Variants in AGBL1 observed in about 807,000 individuals in gnomAD.
The protein encoded by AGBL1 is cytosolic carboxypeptidase 4.
In AGBL1, 130 loss-of-function variants were observed where a neutral mutation model predicts 118.9. The ratio of observed to expected loss-of-function variants is 1.09; its 90% CI spans 0.95 to 1.26. The LOEUF is 1.26. Among genes scored for constraint, AGBL1 ranks in the 50% most tolerant of loss-of-function variants. The pLI, the probability that AGBL1 is intolerant of heterozygous loss-of-function variation, is 0.00. For synonymous variants in AGBL1, 555 were observed against 478.9 expected (o/e 1.16, Z -2.08); for missense variants, 1,584 against 1,298.1 (o/e 1.22, Z -3.38).
At chr15:86,921,610 G>A (rs918414865) in intron 23 of AGBL1, among the ~76,000 whole-genome samples, 2 of 152,106 alleles carry the variant, frequency 1.3e-5, no homozygotes, top group African/African-American at 4.8e-5. Flanking sequence ...CTTGGGGAGG[G>A]AGAATGAGGA....
intron 5 of AGBL1, among the ~76,000 whole-genome samples, chr15:86,161,477 C>A (rs1461855625): frequency 3.3e-5 from 5 of 152,232 alleles, no homozygotes. Context: ...GGGATTTAAA[C>A]CCTGTCTGAT....
rs569682829 is a variant in AGBL1 at position 86,568,085 on chromosome 15, G to C, written c.2994+13548G>C. On this transcript the variant is annotated intron_variant, in intron 21 of 22. Transcript: ENST00000614907. ...TTTTACTTTTTTTTTCTTCATCCAT[G>C]CTTTTAGGTAATTAGCTTAATTCTA... Among the ~76,000 whole-genome samples the C allele has an allele frequency of 9.3e-4, 141 of 151,702 alleles. 1 individual carries two copies. The highest frequency in any genetic ancestry group is 3.3e-3 in the African/African-American group (135 of 41,358).
At chr15:86,192,429 T>C (rs1415387265) in intron 5 of AGBL1, among the ~76,000 whole-genome samples, 1 of 151,818 alleles carries the variant, frequency 6.6e-6, no homozygotes, top group Non-Finnish European at 1.5e-5. Context: ...TACATACATA[T>C]GTGTATGTGC....
chr15:86,847,601 G>T (rs1193917090), intron 22 of AGBL1, among the ~76,000 whole-genome samples: 3 of 152,134 alleles, frequency 2.0e-5, no homozygotes, highest in Non-Finnish European at 4.4e-5. Flanking sequence ...AATGATGTTT[G>T]AGAGGTTGCA....
chr15:86,924,343 A>G (rs2080509736), intron 23 of AGBL1, among the ~76,000 whole-genome samples: 1 of 152,238 alleles, frequency 6.6e-6, no homozygotes, highest in South Asian at 2.1e-4. Flanking sequence ...AAAGGTGTGT[A>G]ATCTTAGCAG....
intron 22 of AGBL1, among the ~76,000 whole-genome samples, chr15:86,892,860 A>T (rs1451621618): frequency 6.6e-6 from 1 of 152,156 alleles, no homozygotes; most frequent in Non-Finnish European, 1.5e-5. Flanking sequence ...ACCCTAGGGA[A>T]CCATGCTAAC....
intron 21 of AGBL1, among the ~76,000 whole-genome samples, chr15:86,655,829 G>A (rs2085455207): frequency 6.6e-6 from 1 of 152,192 alleles, no homozygotes; most frequent in Admixed American, 6.5e-5. Flanking sequence ...TAAACATTAT[G>A]AGGAAAGTCT....
chr15:86,315,920 C>T (rs979016270), intron 17 of AGBL1, among the ~76,000 whole-genome samples: 1 of 152,112 alleles, frequency 6.6e-6, no homozygotes, highest in East Asian at 1.9e-4. Context: ...GAGGAAATAG[C>T]AAGCATTACA....
chr15:86,184,187 T>G (rs566973856), intron 5 of AGBL1, among the ~76,000 whole-genome samples: 1 of 152,366 alleles, frequency 6.6e-6, no homozygotes, highest in East Asian at 1.9e-4. Flanking sequence ...AAATATTGAC[T>G]TCTTAAATTT....
chr15:86,532,450 GA>G (rs1339962062), intron 19 of AGBL1, among the ~76,000 whole-genome samples: 1 of 119,634 alleles, frequency 8.4e-6, no homozygotes, highest in Non-Finnish European at 1.7e-5. Context: ...ACTGCTCAAG[GA>G]AATAAAAGAG....
intron 14 of AGBL1, 67 bp downstream of exon 14, chr15:86,270,134 A>T (rs1597657730): frequency 6.5e-7 from 1 of 1,536,016 alleles, no homozygotes; most frequent in Non-Finnish European, 8.8e-7. Context: ...GACTGTTTGG[A>T]TTCAAAGAGC....
intron 17 of AGBL1, among the ~76,000 whole-genome samples, chr15:86,305,804 C>G (rs2079830998): frequency 6.6e-6 from 1 of 152,080 alleles, no homozygotes; most frequent in Admixed American, 6.6e-5. Context: ...AATTGGCCTT[C>G]TTGACAATTG....
intron 5 of AGBL1, among the ~76,000 whole-genome samples, chr15:86,219,511 C>CATTTGTGATTCTCATCTCTATTTA (rs2078244293): frequency 9.9e-5 from 15 of 152,166 alleles, no homozygotes; most frequent in Non-Finnish European, 2.1e-4. Flanking sequence ...AAACCCAGAA[C>CATTTGTGATTCTCATCTCTATTTA]CCAGAAGCAG....
chr15:87,017,741 C>T (rs2081621781), intron 24 of AGBL1, among the ~76,000 whole-genome samples: 1 of 152,114 alleles, frequency 6.6e-6, no homozygotes, highest in Admixed American at 6.6e-5. Context: ...TGCCTTATAT[C>T]CTCCAAATTA....
intron 21 of AGBL1, among the ~76,000 whole-genome samples, chr15:86,570,914 A>G (rs1173530451): frequency 1.3e-5 from 2 of 152,074 alleles, no homozygotes; most frequent in Admixed American, 6.6e-5. Context: ...CTGCCAAGGG[A>G]GAGTCAAGCA....
intron 17 of AGBL1, among the ~76,000 whole-genome samples, chr15:86,384,588 C>T (rs2081157939): frequency 6.6e-6 from 1 of 151,756 alleles, no homozygotes; most frequent in South Asian, 2.1e-4. Context: ...TAACAATTTC[C>T]AGAGAAATCT....
intron 23 of AGBL1, among the ~76,000 whole-genome samples, chr15:86,936,193 A>C (rs1434922170): frequency 6.6e-6 from 1 of 152,056 alleles, no homozygotes; most frequent in African/African-American, 2.4e-5. Context: ...AGTGCTTTTG[A>C]ATGGACAACA....
chr15:86,164,260 GC>G (rs1312186685), intron 5 of AGBL1, among the ~76,000 whole-genome samples: 2 of 152,160 alleles, frequency 1.3e-5, no homozygotes, highest in African/African-American at 4.8e-5. Context: ...TTCTGGGGGT[GC>G]TTTTTATAGA....
intron 22 of AGBL1, among the ~76,000 whole-genome samples, chr15:86,863,380 C>T (rs1254310613): frequency 6.6e-6 from 1 of 152,146 alleles, no homozygotes; most frequent in African/African-American, 2.4e-5. Flanking sequence ...TTTCAGCATT[C>T]ACACCGTGTG....
Sources: allele counts gnomAD v4.1 joint callset (sites outside exome capture counted in the v4.1 genomes callset), GRCh38; gene constraint gnomAD v4.1.1; transcripts MANE v1.5; gene names NCBI Gene and HGNC (gene_info 2026-07-23, HGNC 2026-07-21).